Variants in PEX5L observed in about 807,000 individuals in gnomAD.
PEX5L encodes the protein peroxisomal biogenesis factor 5 like, also known as PEX5-related protein.
In PEX5L, 30 loss-of-function variants were observed where a neutral mutation model predicts 84.0. The observed-to-expected ratio is 0.36, with a 90% CI of 0.27 to 0.48. PEX5L has a LOEUF of 0.48. PEX5L is among the 20% of genes least tolerant of loss of function. The pLI is 0.99. For synonymous variants in PEX5L, 270 were observed against 283.1 expected, an observed-to-expected ratio of 0.95 and a Z score of 0.46; for missense variants, 533 against 754.6, an observed-to-expected ratio of 0.71 and a Z score of 3.44.
intron 2 of PEX5L, among the ~76,000 whole-genome samples, chr3:179,939,958 T>G (rs1271462856): frequency 6.6e-6 from 1 of 152,224 alleles, no homozygotes; most frequent in Non-Finnish European, 1.5e-5. Context: ...GAAAGTTATA[T>G]GATGACAGCC....
intron 8 of PEX5L, among the ~76,000 whole-genome samples, chr3:179,831,221 A>G (rs1164727227): frequency 6.6e-6 from 1 of 151,558 alleles, no homozygotes; most frequent in Admixed American, 6.6e-5. Context: ...AGGCTGAGGC[A>G]GAGAATTGCT....
chr3:180,034,312 T>C (rs1301387734), intron 1 of PEX5L, among the ~76,000 whole-genome samples: 1 of 152,222 alleles, frequency 6.6e-6, no homozygotes, highest in Admixed American at 6.5e-5. Flanking sequence ...GCAGAAATGT[T>C]AGTAAATCTG....
chr3:179,954,034 T>C (rs967048434), intron 2 of PEX5L, among the ~76,000 whole-genome samples: 14 of 152,152 alleles, frequency 9.2e-5, no homozygotes, highest in African/African-American at 3.4e-4. Context: ...TGTCTCTCAA[T>C]GTCGTTAATT....
At chr3:179,962,589 T>G (rs975458718) in intron 2 of PEX5L, among the ~76,000 whole-genome samples, 32 of 152,212 alleles carry the variant, frequency 2.1e-4, no homozygotes, top group African/African-American at 7.7e-4. Flanking sequence ...AATTTTTAAT[T>G]TTTTAATCCA....
intron 2 of PEX5L, among the ~76,000 whole-genome samples, chr3:179,960,356 G>C (rs1240785774): frequency 6.6e-6 from 1 of 152,210 alleles, no homozygotes; most frequent in Non-Finnish European, 1.5e-5. Flanking sequence ...TATGAATGGG[G>C]CATGAAGTTG....
intron 7 of PEX5L, among the ~76,000 whole-genome samples, chr3:179,873,441 A>G (rs1254308087): frequency 6.6e-6 from 1 of 152,218 alleles, no homozygotes; most frequent in Admixed American, 6.5e-5. Context: ...TGTAGAATGC[A>G]TGAATTTGGA....
At chr3:179,932,337 C>T (rs1356044722) in intron 2 of PEX5L, among the ~76,000 whole-genome samples, 1 of 152,036 alleles carries the variant, frequency 6.6e-6, no homozygotes, top group East Asian at 1.9e-4. Flanking sequence ...CAATTACCTA[C>T]GGTGAATTTG....
At chr3:179,988,373 A>G (rs1046792196) in intron 1 of PEX5L, among the ~76,000 whole-genome samples, 2 of 146,820 alleles carry the variant, frequency 1.4e-5, no homozygotes, top group Admixed American at 1.3e-4. Flanking sequence ...TGGGCGACAG[A>G]GTGAAAATCT....
Position 179,801,770 on chromosome 3 carries a change from T to C in PEX5L, c.*58A>G. 4.5e-6 allele frequency: 5 copies of C among 1,119,582 alleles called. No individual in the cohort carries two copies. Among genetic ancestry groups the C allele is most frequent in the Non-Finnish European group, 6.8e-6 (5 of 734,570 alleles). 69.4% of individuals were successfully genotyped at this position (1,119,582 alleles called of 1,614,324 possible). On this transcript the variant is annotated 3_prime_UTR_variant, in exon 15 of 15. Transcript: ENST00000467460. ...TTGAAATTCATAATAAAATAGTTTT[T>C]GATTTTTCAGTACAATCACACAGAT...
intron 14 of PEX5L, among the ~76,000 whole-genome samples, chr3:179,803,072 T>C (rs1456708593): frequency 2.0e-5 from 3 of 152,164 alleles, no homozygotes; most frequent in Non-Finnish European, 4.4e-5. Flanking sequence ...TGTTATTTGA[T>C]TTTTTTGCTT....
At chr3:179,807,070 C>T (rs1262151762) in intron 14 of PEX5L, among the ~76,000 whole-genome samples, 1 of 152,060 alleles carries the variant, frequency 6.6e-6, no homozygotes, top group Non-Finnish European at 1.5e-5. Context: ...ATTTCTAGGC[C>T]CTGGTAATGG....
chr3:179,814,012 G>A (rs1351470649), intron 10 of PEX5L, among the ~76,000 whole-genome samples: 1 of 150,888 alleles, frequency 6.6e-6, no homozygotes, highest in Non-Finnish European at 1.5e-5. Flanking sequence ...CTAGAGACGG[G>A]GTTTCCCCAC....
At chr3:179,954,018 A>C (rs1779810647) in intron 2 of PEX5L, among the ~76,000 whole-genome samples, 1 of 152,114 alleles carries the variant, frequency 6.6e-6, no homozygotes, top group Non-Finnish European at 1.5e-5. Context: ...TATAATTTTA[A>C]CCTTGTGTCT....
At chr3:179,802,532 C>CAA (rs369244711) in intron 14 of PEX5L, among the ~76,000 whole-genome samples, 160 of 73,272 alleles carry the variant, frequency 2.2e-3, no homozygotes, top group East Asian at 4.4e-3. Context: ...GAGACTGTCT[C>CAA]AAAAAAAAAA....
intron 2 of PEX5L, among the ~76,000 whole-genome samples, chr3:179,955,498 T>TC (rs1780298648): frequency 6.6e-6 from 1 of 150,622 alleles, no homozygotes; most frequent in African/African-American, 2.5e-5. Flanking sequence ...TTTTTTTTTT[T>TC]CAAAAAGAAG....
intron 1 of PEX5L, among the ~76,000 whole-genome samples, chr3:179,991,556 CT>C: frequency 6.6e-6 from 1 of 152,112 alleles, no homozygotes; most frequent in East Asian, 1.9e-4. Flanking sequence ...CTGGTTCTTT[CT>C]TTTTGTCTAT....
At position 179,852,371 on chromosome 3, in the gene PEX5L, A is replaced by G. The variant is rs569827972; in HGVS notation, c.822+6691T>C. Among the ~76,000 whole-genome samples the G allele has an allele frequency of 3.7e-3, 568 of 152,270 alleles. 2 individuals carry two copies. Among genetic ancestry groups the G allele is most frequent in the Middle Eastern group, 6.8e-3 (2 of 294 alleles). The stretch of plus-strand genomic sequence containing the variant: ...GCAGGGAGGAGGCCACAGTATATAC[A>G]ATGACCTAATCTTAAAAGTCACACA... On this transcript the variant is annotated intron_variant, in intron 8 of 14. Coordinates refer to ENST00000467460, the MANE Select transcript of PEX5L (RefSeq NM_016559.3).
intron 2 of PEX5L, among the ~76,000 whole-genome samples, chr3:179,954,241 C>T (rs1239021049): frequency 2.0e-5 from 3 of 150,020 alleles, no homozygotes; most frequent in Non-Finnish European, 4.4e-5. Flanking sequence ...AGTAAAAGGG[C>T]TTCAGCACTC....
chr3:179,861,154 TC>T (rs1228260405), intron 7 of PEX5L, among the ~76,000 whole-genome samples: 2 of 152,254 alleles, frequency 1.3e-5, no homozygotes, highest in African/African-American at 4.8e-5. Context: ...TACTTCTGTA[TC>T]CTCAGTATCT....
Sources: gnomAD v4.1 joint callset for allele counts (sites outside exome capture counted in the v4.1 genomes callset) on GRCh38, gnomAD v4.1.1 for gene constraint, MANE v1.5 for transcripts, NCBI Gene and HGNC (gene_info 2026-07-23, HGNC 2026-07-21) for gene names.